Variants in SYT16 observed in about 807,000 individuals in gnomAD.
SYT16 encodes synaptotagmin-16.
A neutral mutation model predicts 61.4 loss-of-function variants in SYT16; 42 were observed. The observed-to-expected ratio is 0.68, with a 90% confidence interval of 0.53 to 0.89. The LOEUF (loss-of-function observed/expected upper bound fraction) is 0.89, where lower values mean the gene tolerates loss of function less well. Ranked by LOEUF, SYT16 falls within the 40% of genes least tolerant of loss-of-function variation. SYT16 has a pLI of 0.00. For missense variants in SYT16, 804 were observed against 807.3 expected, an observed-to-expected ratio of 1.00 and a Z score of 0.05; for synonymous variants, 314 against 302.3, an observed-to-expected ratio of 1.04 and a Z score of -0.40.
chr14:61,933,079 G>T (rs2049840633), intron 1 of SYT16, among the ~76,000 whole-genome samples: 1 of 152,184 alleles, frequency 6.6e-6, no homozygotes, highest in African/African-American at 2.4e-5. Flanking sequence ...AGCCAGTCTA[G>T]TTGCCATGGA....
At chr14:62,086,559 T>G (rs940098242) in intron 7 of SYT16, among the ~76,000 whole-genome samples, 2 of 152,202 alleles carry the variant, frequency 1.3e-5, no homozygotes, top group African/African-American at 4.8e-5. Flanking sequence ...TTTCCTCATC[T>G]ATAAAAAAGG....
chr14:62,075,465 C>A, intron 5 of SYT16, 74 bp downstream of exon 5: 1 of 1,335,370 alleles, frequency 7.5e-7, no homozygotes, highest in Non-Finnish European at 9.7e-7. Flanking sequence ...TTTCTCATCT[C>A]TCTAAAAAAA....
intron 1 of SYT16, among the ~76,000 whole-genome samples, chr14:61,855,601 T>C (rs2046748378): frequency 6.6e-6 from 1 of 152,248 alleles, no homozygotes. Context: ...TTCTACTGAA[T>C]ACATATTGCT....
chr14:62,069,935 A>C (rs934956063), intron 4 of SYT16, 120 bp downstream of exon 4: 13 of 1,163,058 alleles, frequency 1.1e-5, no homozygotes, highest in Non-Finnish European at 1.6e-5. Flanking sequence ...AAAATGAGGC[A>C]GGATGCATTA....
At chr14:61,961,450 T>C (rs1297929430) in intron 1 of SYT16, among the ~76,000 whole-genome samples, 1 of 151,864 alleles carries the variant, frequency 6.6e-6, no homozygotes, top group African/African-American at 2.4e-5. Context: ...TGTTAAAGAG[T>C]GGGCAAAGTA....
At chr14:61,997,555 T>G (rs533093662) in intron 3 of SYT16, among the ~76,000 whole-genome samples, 10 of 152,232 alleles carry the variant, frequency 6.6e-5, no homozygotes, top group Admixed American at 2.6e-4. Flanking sequence ...CTTCTCATAA[T>G]GCTCTCTTGA....
At chr14:61,993,584 CAGAG>C (rs1165698493) in intron 2 of SYT16, among the ~76,000 whole-genome samples, 1 of 151,822 alleles carries the variant, frequency 6.6e-6, no homozygotes, top group Non-Finnish European at 1.5e-5. Context: ...ACTGGAATCT[CAGAG>C]AGAACCTTGT....
chr14:62,049,850 C>G (rs944182015), intron 3 of SYT16, among the ~76,000 whole-genome samples: 1 of 152,228 alleles, frequency 6.6e-6, no homozygotes, highest in Non-Finnish European at 1.5e-5. Flanking sequence ...AGCTGTTAGT[C>G]TGATGGGCTT....
intron 7 of SYT16, among the ~76,000 whole-genome samples, chr14:62,091,239 C>T (rs1029944162): frequency 6.6e-6 from 1 of 152,246 alleles, no homozygotes; most frequent in East Asian, 1.9e-4. Context: ...GAGAAAAATA[C>T]TCAGCTTAGC....
intron 1 of SYT16, among the ~76,000 whole-genome samples, chr14:61,879,229 G>A (rs2140315728): frequency 1.3e-5 from 2 of 152,094 alleles, no homozygotes; most frequent in South Asian, 4.2e-4. Context: ...TTTCTCTTTG[G>A]CTTCCATAAG....
Position 62,108,281 on chromosome 14 carries a change from G to C in SYT16, c.*7574G>C, listed in dbSNP as rs1156777673. On this transcript the variant is annotated 3_prime_UTR_variant, in exon 8 of 8. Transcript: ENST00000683842. ...CCACGCAAATTAACTCAAAATCTTT[G>C]GTGGCCTGAAAATTCTGACTGAAAG... 4 of 152,058 alleles carry C rather than the reference G, an allele frequency of 2.6e-5. No individual in the cohort carries two copies. Among genetic ancestry groups the C allele is most frequent in the Non-Finnish European group, 5.9e-5 (4 of 68,002 alleles). The allele number at this position is 152,058 out of a possible 1,614,324, so 9.4% of individuals were successfully genotyped here. A position where few individuals can be genotyped will look rare whatever the true frequency, so the allele number is the denominator to read the frequency against.
At chr14:61,886,880 C>CTTTTTTTTTTTTTTTT (rs371140698) in intron 1 of SYT16, among the ~76,000 whole-genome samples, 27 of 110,832 alleles carry the variant, frequency 2.4e-4, no homozygotes, top group Non-Finnish European at 3.8e-4. Context: ...TTTTTTTTGT[C>CTTTTTTTTTTTTTTTT]TTTTTTTTTT....
intron 1 of SYT16, among the ~76,000 whole-genome samples, chr14:61,967,944 T>A (rs1460196159): frequency 6.6e-6 from 1 of 151,992 alleles, no homozygotes; most frequent in Non-Finnish European, 1.5e-5. Flanking sequence ...AGGTATAGAG[T>A]ACCAGGAACT....
intron 1 of SYT16, among the ~76,000 whole-genome samples, chr14:61,933,058 G>A (rs2049839843): frequency 1.3e-5 from 2 of 152,214 alleles, no homozygotes; most frequent in African/African-American, 4.8e-5. Flanking sequence ...TTTGACAGGT[G>A]AGTTTGGGAA....
At chr14:61,857,463 T>G (rs2046812378) in intron 1 of SYT16, among the ~76,000 whole-genome samples, 1 of 152,198 alleles carries the variant, frequency 6.6e-6, no homozygotes, top group African/African-American at 2.4e-5. Flanking sequence ...CTTCGAAGAT[T>G]GACAGTTGAC....
intron 3 of SYT16, among the ~76,000 whole-genome samples, chr14:62,001,778 CT>C (rs1375671949): frequency 6.6e-6 from 1 of 151,900 alleles, no homozygotes; most frequent in African/African-American, 2.4e-5. Flanking sequence ...TGTTTCATCA[CT>C]TTTTTTTCTT....
intron 1 of SYT16, among the ~76,000 whole-genome samples, chr14:61,849,990 T>C (rs1382869330): frequency 6.6e-6 from 1 of 152,176 alleles, no homozygotes; most frequent in Non-Finnish European, 1.5e-5. Flanking sequence ...ATTGAACTAA[T>C]TTACATTCCC....
At chr14:61,872,218 T>C (rs2047352993) in intron 1 of SYT16, among the ~76,000 whole-genome samples, 1 of 152,186 alleles carries the variant, frequency 6.6e-6, no homozygotes, top group Admixed American at 6.5e-5. Flanking sequence ...TATTTTTGTT[T>C]ATTTCTTTGT....
At chr14:62,089,404 A>T (rs1037752697) in intron 7 of SYT16, among the ~76,000 whole-genome samples, 3 of 151,882 alleles carry the variant, frequency 2.0e-5, no homozygotes, top group African/African-American at 7.3e-5. Context: ...ATCACAAGGG[A>T]AAGTATTTGG....
Sources: allele counts gnomAD v4.1 joint callset (sites outside exome capture counted in the v4.1 genomes callset), GRCh38; gene constraint gnomAD v4.1.1; transcripts MANE v1.5; gene names NCBI Gene and HGNC (gene_info 2026-07-23, HGNC 2026-07-21).